Variants in SNTG2 observed in about 807,000 individuals in gnomAD.
The protein encoded by SNTG2 is syntrophin gamma 2.
In SNTG2, 74 loss-of-function variants were observed where a neutral mutation model predicts 70.9. That is an observed-to-expected ratio of 1.04 (90% CI 0.86 to 1.27). The LOEUF (loss-of-function observed/expected upper bound fraction) is 1.27, where lower values mean the gene tolerates loss of function less well. Ranked by LOEUF, SNTG2 falls within the 50% of genes most tolerant of loss-of-function variation. SNTG2 has a pLI of 0.00. For synonymous variants in SNTG2, 278 were observed against 273.8 expected (o/e 1.02, Z -0.15); for missense variants, 717 against 690.7 (o/e 1.04, Z -0.43).
chr2:973,307 AT>A (rs1357959684), intron 1 of SNTG2, among the ~76,000 whole-genome samples: 1 of 152,118 alleles, frequency 6.6e-6, no homozygotes, highest in Non-Finnish European at 1.5e-5. Context: ...CCTACATTTT[AT>A]GAAAGTTATT....
chr2:1,190,728 G>A (rs185414349), intron 8 of SNTG2, among the ~76,000 whole-genome samples: 3 of 151,698 alleles, frequency 2.0e-5, no homozygotes, highest in Admixed American at 1.3e-4. Flanking sequence ...GATCTGGCAC[G>A]TTAAGAGATT....
At chr2:1,247,946 A>G (rs1004308908) in intron 12 of SNTG2, among the ~76,000 whole-genome samples, 2 of 152,188 alleles carry the variant, frequency 1.3e-5, no homozygotes, top group Non-Finnish European at 2.9e-5. Flanking sequence ...TCCAGTGCCC[A>G]CCGGTACCAT....
chr2:1,229,826 G>A (rs944418154), intron 9 of SNTG2, among the ~76,000 whole-genome samples: 4 of 152,214 alleles, frequency 2.6e-5, no homozygotes, highest in Non-Finnish European at 5.9e-5. Context: ...TACACCCTCC[G>A]CAGCCGCTGG....
chr2:1,330,130 G>A (rs1163285185), intron 16 of SNTG2, among the ~76,000 whole-genome samples: 3 of 152,160 alleles, frequency 2.0e-5, no homozygotes, highest in Non-Finnish European at 4.4e-5. Flanking sequence ...ATGGGACAAG[G>A]TCCCTGGCAT....
intron 1 of SNTG2, among the ~76,000 whole-genome samples, chr2:981,549 G>T (rs1661095958): frequency 6.6e-6 from 1 of 152,006 alleles, no homozygotes; most frequent in Non-Finnish European, 1.5e-5. Context: ...GCACACACAT[G>T]CACACACACA....
intron 1 of SNTG2, among the ~76,000 whole-genome samples, chr2:994,481 G>C (rs1265588823): frequency 2.0e-5 from 3 of 151,964 alleles, no homozygotes; most frequent in Admixed American, 2.0e-4. Context: ...CTCCAACTTT[G>C]TTCTTCTTTG....
Position 1,209,167 on chromosome 2 carries a change from C to A in SNTG2, c.656C>A (p.Thr219Asn), listed in dbSNP as rs751935603. 6.2e-7 allele frequency: 1 copy of A among 1,613,988 alleles called. No individual in the cohort carries two copies. The highest frequency in any genetic ancestry group is 8.5e-7 in the Non-Finnish European group (1 of 1,179,892). ...DPRYEKRWLD[T>N]LSVPLSMARI... ...AGGTATGAGAAGCGCTGGCTGGACACCTTGTCCGTGCCTCTGTCCATGGCT... is the reference window on the plus strand; with the variant it reads ...AGGTATGAGAAGCGCTGGCTGGACAACTTGTCCGTGCCTCTGTCCATGGCT... The change falls in exon 9 of 17, where the codon ACC (threonine) becomes AAC (asparagine). Residue 219 changes from threonine (T) to asparagine (N), a missense_variant. Thr to Asn is a moderately conservative substitution (Grantham distance 65, BLOSUM62 0). Coordinates refer to ENST00000308624, the MANE Select transcript of SNTG2 (RefSeq NM_018968.4).
chr2:963,580 A>G (rs1442775192), intron 1 of SNTG2, among the ~76,000 whole-genome samples: 1 of 152,170 alleles, frequency 6.6e-6, no homozygotes, highest in South Asian at 2.1e-4. Flanking sequence ...ACCAACTCCT[A>G]ATATTTACAC....
chr2:1,151,715 C>T (rs551685715), intron 6 of SNTG2, among the ~76,000 whole-genome samples: 3 of 152,240 alleles, frequency 2.0e-5, no homozygotes, highest in South Asian at 2.1e-4. Context: ...CCGTGCGTGC[C>T]GTGCTTCTCA....
chr2:1,181,436 C>G (rs1001121725), intron 8 of SNTG2, among the ~76,000 whole-genome samples: 7 of 152,184 alleles, frequency 4.6e-5, no homozygotes, highest in African/African-American at 1.7e-4. Flanking sequence ...ACCAGCTTCA[C>G]TTTCATCCTC....
intron 7 of SNTG2, among the ~76,000 whole-genome samples, chr2:1,168,910 G>A (rs1670935315): frequency 6.6e-6 from 1 of 152,202 alleles, no homozygotes; most frequent in South Asian, 2.1e-4. Context: ...TGGGGCAAAG[G>A]TTTAAGGGAG....
intron 14 of SNTG2, among the ~76,000 whole-genome samples, chr2:1,272,770 ACCCC>A (rs1679104808): frequency 2.0e-5 from 3 of 147,546 alleles, no homozygotes; most frequent in Non-Finnish European, 4.5e-5. Context: ...CAGAAAGGAC[ACCCC>A]AGGGAGCGGG....
At chr2:1,021,494 G>A (rs1660171284) in intron 1 of SNTG2, among the ~76,000 whole-genome samples, 1 of 151,892 alleles carries the variant, frequency 6.6e-6, no homozygotes, top group Non-Finnish European at 1.5e-5. Flanking sequence ...GACATTTTCT[G>A]GACACATCAA....
At chr2:1,364,737 C>CAAAAAAA (rs371977526) in intron 16 of SNTG2, among the ~76,000 whole-genome samples, 1 of 132,016 alleles carries the variant, frequency 7.6e-6, no homozygotes, top group African/African-American at 2.9e-5. Context: ...CTAAAAATAC[C>CAAAAAAA]AAAAAAAAAA....
intron 16 of SNTG2, among the ~76,000 whole-genome samples, chr2:1,331,907 G>A (rs183639737): frequency 1.9e-4 from 29 of 152,258 alleles, no homozygotes; most frequent in East Asian, 1.5e-3. Flanking sequence ...GCCCTGGCGC[G>A]GTTTCCAGCT....
chr2:1,153,870 G>C (rs1235263618), intron 6 of SNTG2, among the ~76,000 whole-genome samples: 1 of 152,192 alleles, frequency 6.6e-6, no homozygotes, highest in Non-Finnish European at 1.5e-5. Context: ...ACGAGAGCTG[G>C]CCTGAGGTTG....
At chr2:1,145,288 GAA>G (rs60855446) in intron 6 of SNTG2, among the ~76,000 whole-genome samples, 16 of 151,544 alleles carry the variant, frequency 1.1e-4, no homozygotes, top group Non-Finnish European at 1.6e-4. Flanking sequence ...ATCAAGATAG[GAA>G]AAAAAAAGCT....
intron 16 of SNTG2, among the ~76,000 whole-genome samples, chr2:1,340,552 A>G (rs374138192): frequency 1.3e-5 from 2 of 152,234 alleles, no homozygotes; most frequent in South Asian, 4.1e-4. Flanking sequence ...GATCACCTCT[A>G]TTCTTTCAAT....
At chr2:1,311,293 T>C (rs1314966062) in intron 15 of SNTG2, among the ~76,000 whole-genome samples, 1 of 152,232 alleles carries the variant, frequency 6.6e-6, no homozygotes, top group East Asian at 1.9e-4. Context: ...CTCACATTTT[T>C]CTCGTGATTA....
Sources: gnomAD v4.1 joint callset for allele counts (sites outside exome capture counted in the v4.1 genomes callset) on GRCh38, gnomAD v4.1.1 for gene constraint, MANE v1.5 for transcripts, NCBI Gene and HGNC (gene_info 2026-07-23, HGNC 2026-07-21) for gene names.